ELOC: variants seen among roughly 807,000 people sequenced by gnomAD.
The protein encoded by ELOC is elongin C.
For missense variants in ELOC, 38 were observed against 139.0 expected, an observed-to-expected ratio of 0.27 and a Z score of 3.65; for synonymous variants, 40 against 51.3, an observed-to-expected ratio of 0.78 and a Z score of 0.94.
intron 2 of ELOC, among the ~76,000 whole-genome samples, chr8:73,957,294 T>C (rs1487407500): frequency 6.6e-6 from 1 of 151,820 alleles, no homozygotes; most frequent in Non-Finnish European, 1.5e-5. Flanking sequence ...GGAGACAGAG[T>C]GCACAGATGT....
chr8:73,956,063 A>T lies in ELOC; in HGVS notation c.5-9T>A. The stretch of plus-strand genomic sequence containing the variant: ...GGTTTTCTCCTCTCCATCTAAAGTA[A>T]AGTAAGTAGTGAAACAATTTTTGAG... On this transcript the variant is annotated splice_polypyrimidine_tract_variant and intron_variant, in intron 2 of 3. Coordinates refer to ENST00000520242, the MANE Select transcript of ELOC (RefSeq NM_005648.4). 1.2e-6 allele frequency: 2 copies of T among 1,607,894 alleles called. No individual in the cohort carries two copies. The highest frequency in any genetic ancestry group is 1.7e-6 in the Non-Finnish European group (2 of 1,175,706).
chr8:73,956,808 C>T (rs897554390), intron 2 of ELOC, among the ~76,000 whole-genome samples: 2 of 152,136 alleles, frequency 1.3e-5, no homozygotes, highest in East Asian at 3.8e-4. Context: ...AAAGTTAAGA[C>T]TTCTTTTACT....
At chr8:73,955,777 G>A in intron 3 of ELOC, 134 bp downstream of exon 3, 1 of 1,090,512 alleles carries the variant, frequency 9.2e-7, no homozygotes, top group Non-Finnish European at 1.3e-6. Flanking sequence ...TCAAACAAAA[G>A]AACAAAAACA....
intron 3 of ELOC, among the ~76,000 whole-genome samples, chr8:73,948,024 C>A (rs960762204): frequency 6.6e-6 from 1 of 152,234 alleles, no homozygotes; most frequent in Non-Finnish European, 1.5e-5. Flanking sequence ...GAAACCCCAT[C>A]TGTACTAAAA....
At chr8:73,967,963 A>G (rs1456555125) in intron 1 of ELOC, among the ~76,000 whole-genome samples, 2 of 152,188 alleles carry the variant, frequency 1.3e-5, no homozygotes, top group Non-Finnish European at 2.9e-5. Context: ...TTCACAGATA[A>G]GCAGTAGAAT....
intron 2 of ELOC, 49 bp downstream of exon 2, chr8:73,959,716 A>T: frequency 6.8e-7 from 1 of 1,472,684 alleles, no homozygotes; most frequent in East Asian, 2.4e-5. Flanking sequence ...TTTGAAACAA[A>T]GTCCAGTTTC....
chr8:73,963,380 T>C (rs779251453), intron 1 of ELOC, among the ~76,000 whole-genome samples: 10 of 152,220 alleles, frequency 6.6e-5, no homozygotes, highest in Non-Finnish European at 1.0e-4. Flanking sequence ...TCCATTTTGT[T>C]CTCACATGTT....
intron 3 of ELOC, among the ~76,000 whole-genome samples, chr8:73,950,663 A>G (rs1311976777): frequency 6.6e-6 from 1 of 152,240 alleles, no homozygotes; most frequent in Non-Finnish European, 1.5e-5. Flanking sequence ...CAAGCTTGAC[A>G]CTGCTAAAAG....
At chr8:73,960,426 C>T (rs187891081) in intron 1 of ELOC, among the ~76,000 whole-genome samples, 17 of 152,266 alleles carry the variant, frequency 1.1e-4, no homozygotes, top group African/African-American at 3.8e-4. Flanking sequence ...CCAGGTAACT[C>T]ATAATGGGCC....
intron 3 of ELOC, among the ~76,000 whole-genome samples, chr8:73,947,053 A>G (rs1186558009): frequency 6.6e-6 from 1 of 152,088 alleles, no homozygotes; most frequent in African/African-American, 2.4e-5. Flanking sequence ...CAATGGCGGG[A>G]TCTCAGCTCA....
chr8:73,945,649 T>C lies in ELOC; in HGVS notation c.*981A>G, dbSNP rs1307709144. 1 of 152,206 alleles carries C rather than the reference T, an allele frequency of 6.6e-6. No individual in the cohort carries two copies. Among genetic ancestry groups the C allele is most frequent in the Non-Finnish European group, 1.5e-5 (1 of 68,038 alleles). The allele number at this position is 152,206 out of a possible 1,614,324, so 9.4% of individuals were successfully genotyped here. ...ACCCACTGATTATGGGTATATTTAT[T>C]GGGACATATTTTAATAGAAGATAAT... On this transcript the variant is annotated 3_prime_UTR_variant, in exon 4 of 4. Transcript: ENST00000520242.
intron 1 of ELOC, among the ~76,000 whole-genome samples, chr8:73,966,405 G>A (rs1245293645): frequency 1.3e-5 from 2 of 151,994 alleles, no homozygotes; most frequent in Non-Finnish European, 2.9e-5. Flanking sequence ...AAAGAGGTGA[G>A]AGTTTGGGAA....
chr8:73,965,221 G>A (rs1405689231), intron 1 of ELOC, among the ~76,000 whole-genome samples: 1 of 151,918 alleles, frequency 6.6e-6, no homozygotes, highest in Non-Finnish European at 1.5e-5. Flanking sequence ...AGAATTGAAT[G>A]AACACATTAA....
At chr8:73,955,476 G>C in intron 3 of ELOC, 1 of 158,010 alleles carries the variant, frequency 6.3e-6, no homozygotes, top group Non-Finnish European at 1.4e-5. Context: ...CGTGGTGGCA[G>C]GCACTTGTAA....
chr8:73,961,968 T>C (rs1814636525), intron 1 of ELOC, among the ~76,000 whole-genome samples: 1 of 152,172 alleles, frequency 6.6e-6, no homozygotes, highest in African/African-American at 2.4e-5. Context: ...TGATCTTGGC[T>C]CACTGCAACC....
chr8:73,971,697 C>A (rs1036080510), intron 1 of ELOC, among the ~76,000 whole-genome samples: 1 of 151,974 alleles, frequency 6.6e-6, no homozygotes, highest in Non-Finnish European at 1.5e-5. Context: ...AGACCTCTCC[C>A]TGGGCTAGGG....
chr8:73,970,753 G>C (rs561927709), intron 1 of ELOC: 1 of 152,132 alleles, frequency 6.6e-6, no homozygotes, highest in East Asian at 1.9e-4. Flanking sequence ...AAGCGCGGTG[G>C]CTCACGCCTG....
chr8:73,970,780 G>A (rs971246211), intron 1 of ELOC: 1 of 151,746 alleles, frequency 6.6e-6, no homozygotes, highest in African/African-American at 2.4e-5. Context: ...TAGCTCTTTG[G>A]GAGGTGGAGG....
chr8:73,962,284 C>T (rs999172388), intron 1 of ELOC, among the ~76,000 whole-genome samples: 10 of 152,164 alleles, frequency 6.6e-5, no homozygotes, highest in Non-Finnish European at 1.3e-4. Flanking sequence ...TTGTTGAAGG[C>T]TTCTACAGCT....
Sources: allele counts gnomAD v4.1 joint callset (sites outside exome capture counted in the v4.1 genomes callset), GRCh38; gene constraint gnomAD v4.1.1; transcripts MANE v1.5; gene names NCBI Gene and HGNC (gene_info 2026-07-23, HGNC 2026-07-21).